Variants in FAM24B observed in about 807,000 individuals in gnomAD.
FAM24B encodes protein FAM24B.
Under a neutral mutation model 2.3 loss-of-function variants are expected in FAM24B, and 3 were observed. The observed-to-expected ratio is 1.29, with a 90% CI of 0.59 to 3.32. FAM24B has a LOEUF of 3.32. Among genes scored for constraint, FAM24B ranks in the 30% most tolerant of loss-of-function variants. FAM24B has a pLI of 0.03. For synonymous variants in FAM24B, 36 were observed against 46.3 expected, an observed-to-expected ratio of 0.78 and a Z score of 0.90; for missense variants, 98 against 117.2, an observed-to-expected ratio of 0.84 and a Z score of 0.76.
At chr10:122,871,868 T>C (rs1488122000) in intron 1 of FAM24B, among the ~76,000 whole-genome samples, 3 of 152,292 alleles carry the variant, frequency 2.0e-5, no homozygotes, top group Admixed American at 6.5e-5. Flanking sequence ...ATTCAGGACA[T>C]AGGCATGGGG....
intron 1 of FAM24B, among the ~76,000 whole-genome samples, chr10:122,867,565 C>T (rs1589674685): frequency 6.6e-6 from 1 of 152,324 alleles, no homozygotes; most frequent in East Asian, 1.9e-4. Flanking sequence ...TGACACCTCA[C>T]ATGGCCGGGT....
chr10:122,867,110 C>G (rs938166535), intron 1 of FAM24B, among the ~76,000 whole-genome samples: 6 of 152,186 alleles, frequency 3.9e-5, no homozygotes, highest in Non-Finnish European at 8.8e-5. Flanking sequence ...GATAGAAAAT[C>G]AAACCAGCCA....
chr10:122,875,146 C>G (rs541600539), intron 1 of FAM24B, among the ~76,000 whole-genome samples: 7 of 152,228 alleles, frequency 4.6e-5, no homozygotes, highest in South Asian at 4.1e-4. Flanking sequence ...TCTCTATTTT[C>G]TTTGCTTTTC....
chr10:122,856,566 C>G (rs1847641844), intron 1 of FAM24B, among the ~76,000 whole-genome samples: 1 of 152,154 alleles, frequency 6.6e-6, no homozygotes, highest in African/African-American at 2.4e-5. Flanking sequence ...CGGCCTTTGA[C>G]ACTGGAACGA....
At chr10:122,861,643 G>T (rs1198310122) in intron 1 of FAM24B, among the ~76,000 whole-genome samples, 1 of 152,134 alleles carries the variant, frequency 6.6e-6, no homozygotes, top group Non-Finnish European at 1.5e-5. Context: ...TCAGAATACA[G>T]ATCCTACCTA....
chr10:122,852,274 C>T (rs1236234179), intron 2 of FAM24B, among the ~76,000 whole-genome samples: 1 of 152,178 alleles, frequency 6.6e-6, no homozygotes, highest in Non-Finnish European at 1.5e-5. Context: ...TACAGAGAAT[C>T]CCAGCTTAGG....
intron 1 of FAM24B, among the ~76,000 whole-genome samples, chr10:122,858,491 A>T (rs1428333023): frequency 6.6e-6 from 1 of 152,006 alleles, no homozygotes; most frequent in Non-Finnish European, 1.5e-5. Context: ...AACATGGCAC[A>T]TGTATACATA....
intron 1 of FAM24B, among the ~76,000 whole-genome samples, chr10:122,860,531 C>T (rs1355595565): frequency 6.6e-6 from 1 of 152,086 alleles, no homozygotes; most frequent in Non-Finnish European, 1.5e-5. Flanking sequence ...TGGTAAATAC[C>T]TAAGGGTAGA....
At chr10:122,857,399 T>C (rs1847658917) in intron 1 of FAM24B, among the ~76,000 whole-genome samples, 1 of 152,222 alleles carries the variant, frequency 6.6e-6, no homozygotes, top group Non-Finnish European at 1.5e-5. Context: ...AAGGGAACCA[T>C]TTTGGTCCAA....
In FAM24B at chr10:122,849,216, C is replaced by T. The variant is rs199506995; in HGVS notation, c.*31G>A. ...AAACAATCTACTAAGAAGTATTGCT[C>T]ATGAAGATTTTTGTGCCCACCTTTC... On this transcript the variant is annotated 3_prime_UTR_variant, in exon 4 of 4. Coordinates refer to ENST00000368898, the MANE Select transcript of FAM24B (RefSeq NM_152644.3). 1 of 1,486,926 alleles carries T rather than the reference C, an allele frequency of 6.7e-7. No homozygotes were observed. Among genetic ancestry groups the T allele is most frequent in the Non-Finnish European group, 9.0e-7 (1 of 1,106,264 alleles). 92.1% of individuals were successfully genotyped at this position (1,486,926 alleles called of 1,614,324 possible). A position where few individuals can be genotyped will look rare whatever the true frequency, so the allele number is the denominator to read the frequency against.
chr10:122,868,204 G>A (rs866707174), intron 1 of FAM24B, among the ~76,000 whole-genome samples: 4 of 152,130 alleles, frequency 2.6e-5, no homozygotes, highest in Admixed American at 2.6e-4. Context: ...GATGGAAGAT[G>A]AAATGAAGCG....
At chr10:122,875,468 C>T (rs1488346911) in intron 1 of FAM24B, among the ~76,000 whole-genome samples, 4 of 152,068 alleles carry the variant, frequency 2.6e-5, no homozygotes, top group East Asian at 1.9e-4. Flanking sequence ...TGCCTTTTAC[C>T]GTGCTTTGTA....
intron 2 of FAM24B, among the ~76,000 whole-genome samples, chr10:122,854,019 G>A (rs1847592523): frequency 6.6e-6 from 1 of 152,184 alleles, no homozygotes; most frequent in Non-Finnish European, 1.5e-5. Flanking sequence ...CTAGGTATCA[G>A]AGAACCTAGA....
chr10:122,878,773 G>A (rs1363497790), intron 1 of FAM24B, among the ~76,000 whole-genome samples: 2 of 150,750 alleles, frequency 1.3e-5, no homozygotes, highest in Admixed American at 6.6e-5. Flanking sequence ...AACAAGACTG[G>A]GTGATAATAC....
At chr10:122,850,277 T>C (rs1566245454) in intron 3 of FAM24B, 147 bp downstream of exon 3, 1 of 676,620 alleles carries the variant, frequency 1.5e-6, no homozygotes, top group Non-Finnish European at 2.7e-6. Context: ...CTGCCTGTTC[T>C]TCTTGACTTC....
intron 1 of FAM24B, among the ~76,000 whole-genome samples, chr10:122,856,288 C>G (rs2133828059): frequency 6.6e-6 from 1 of 152,360 alleles, no homozygotes; most frequent in East Asian, 1.9e-4. Context: ...CCAAGACCAG[C>G]AGTCTCACCC....
At chr10:122,870,981 A>C (rs1358121166) in intron 1 of FAM24B, among the ~76,000 whole-genome samples, 1 of 152,228 alleles carries the variant, frequency 6.6e-6, no homozygotes, top group African/African-American at 2.4e-5. Context: ...AATTAGGAAA[A>C]GAGGAAGTCA....
intron 2 of FAM24B, among the ~76,000 whole-genome samples, chr10:122,853,654 T>C (rs376753654): frequency 1.3e-5 from 2 of 152,050 alleles, no homozygotes; most frequent in African/African-American, 2.4e-5. Flanking sequence ...TTTGGAAGGG[T>C]AGGGCAAGAG....
At chr10:122,852,179 A>C (rs757747515) in intron 2 of FAM24B, among the ~76,000 whole-genome samples, 2 of 152,226 alleles carry the variant, frequency 1.3e-5, no homozygotes, top group African/African-American at 4.8e-5. Context: ...GGCTGAATAA[A>C]AGCTGAATCA....
Sources: gnomAD v4.1 joint callset for allele counts (sites outside exome capture counted in the v4.1 genomes callset) on GRCh38, gnomAD v4.1.1 for gene constraint, MANE v1.5 for transcripts, NCBI Gene and HGNC (gene_info 2026-07-23, HGNC 2026-07-21) for gene names.